Variants in RANBP2 observed in about 807,000 individuals in gnomAD.
RANBP2 encodes the protein RAN binding protein 2, also known as E3 SUMO-protein ligase RanBP2.
A neutral mutation model predicts 303.6 loss-of-function variants in RANBP2; 57 were observed. The observed-to-expected ratio is 0.19, with a 90% CI of 0.15 to 0.23. The LOEUF (loss-of-function observed/expected upper bound fraction) is 0.23, where lower values mean the gene tolerates loss of function less well. Among genes scored for constraint, RANBP2 ranks in the 10% least tolerant of loss-of-function variants. The pLI is 1.00. For missense variants in RANBP2, 3,138 were observed against 3,780.8 expected, an observed-to-expected ratio of 0.83 and a Z score of 4.46; for synonymous variants, 1,167 against 1,301.5, an observed-to-expected ratio of 0.90 and a Z score of 2.23.
At chr2:109,733,588 C>T in the RANBP2 span, among the ~76,000 whole-genome samples, 15 of 152,066 alleles carry the variant, frequency 9.9e-5, no homozygotes, top group Admixed American at 9.2e-4. Flanking sequence ...CGTGGTGGCT[C>T]GCACCTGTAA....
At chr2:109,451,082 G>C in the RANBP2 span, among the ~76,000 whole-genome samples, 1 of 152,226 alleles carries the variant, frequency 6.6e-6, no homozygotes, top group Non-Finnish European at 1.5e-5. Flanking sequence ...GGTTCCGCAG[G>C]GCCTCAGCAC....
At position 108,782,584 on chromosome 2, in the gene RANBP2, G is replaced by T. The variant is rs1209201727; in HGVS notation, c.9091G>T (p.Asp3031Tyr). The T allele has an allele frequency of 3.7e-6, 6 of 1,614,196 alleles. No individual in the cohort carries two copies. Among genetic ancestry groups the T allele is most frequent in the Non-Finnish European group, 4.2e-6 (5 of 1,180,036 alleles). ...AVRFKTKEVA[D>Y]CFKKTFEECQ... ...GAGATTTAAAACTAAAGAAGTAGCT[G>T]ATTGTTTCAAGAAAACATTTGAAGA... The change falls in exon 28 of 29, where the codon GAT becomes TAT. Residue 3031 changes from aspartate to tyrosine, a missense_variant. Asp to Tyr is a radical substitution (Grantham distance 160, BLOSUM62 -3). This residue lies in a region of RANBP2 where 204 missense variants were observed against 228.4 expected (regional missense o/e 0.89). Coordinates refer to ENST00000283195, the MANE Select transcript of RANBP2 (RefSeq NM_006267.5).
the RANBP2 span, among the ~76,000 whole-genome samples, chr2:109,435,945 C>A: frequency 6.6e-6 from 1 of 152,132 alleles, no homozygotes; most frequent in Non-Finnish European, 1.5e-5. Flanking sequence ...CAGGTGAGTC[C>A]TTTTCCAAGA....
At chr2:108,928,066 C>T in the RANBP2 span, among the ~76,000 whole-genome samples, 7 of 152,094 alleles carry the variant, frequency 4.6e-5, no homozygotes, top group Admixed American at 1.3e-4. Flanking sequence ...GCATCAGCTT[C>T]GAGCGGAAGG....
the RANBP2 span, among the ~76,000 whole-genome samples, chr2:109,012,513 T>G: frequency 1.3e-5 from 2 of 152,202 alleles, no homozygotes. Context: ...CTCTTGCTTC[T>G]TCAGTGGCCC....
At chr2:109,484,452 C>T in the RANBP2 span, among the ~76,000 whole-genome samples, 5 of 152,264 alleles carry the variant, frequency 3.3e-5, no homozygotes, top group South Asian at 1.0e-3. Flanking sequence ...GCTAGATTTA[C>T]CTGTTCCACA....
At chr2:108,986,990 G>C in the RANBP2 span, among the ~76,000 whole-genome samples, 1 of 152,162 alleles carries the variant, frequency 6.6e-6, no homozygotes, top group African/African-American at 2.4e-5. Flanking sequence ...TCAAAGGAAC[G>C]AGCAGGCAGG....
At chr2:108,829,973 A>C in the RANBP2 span, among the ~76,000 whole-genome samples, 1 of 151,578 alleles carries the variant, frequency 6.6e-6, no homozygotes, top group Admixed American at 6.6e-5. Flanking sequence ...TTAAACACCA[A>C]GTTTATAGCA....
chr2:109,336,869 A>G, the RANBP2 span, among the ~76,000 whole-genome samples: 1 of 152,138 alleles, frequency 6.6e-6, no homozygotes, highest in African/African-American at 2.4e-5. Flanking sequence ...CACCTGGTGC[A>G]GTGAAGAATT....
At chr2:108,795,057 A>AT in the RANBP2 span, among the ~76,000 whole-genome samples, 97,047 of 151,396 alleles carry the variant, frequency 0.64, 34,233 homozygotes, top group East Asian at 0.9. Context: ...TTAAGTACTT[A>AT]TATATAAAAA....
At chr2:109,696,597 G>T in the RANBP2 span, among the ~76,000 whole-genome samples, 1 of 152,012 alleles carries the variant, frequency 6.6e-6, no homozygotes, top group South Asian at 2.1e-4. Flanking sequence ...TCCAACCATT[G>T]TTCTTTTTCA....
chr2:108,886,445 C>G, the RANBP2 span, among the ~76,000 whole-genome samples: 2 of 152,044 alleles, frequency 1.3e-5, no homozygotes, highest in Non-Finnish European at 2.9e-5. Flanking sequence ...GACGGAGTCT[C>G]TCTCTGTCAC....
At chr2:109,322,172 C>G in the RANBP2 span, among the ~76,000 whole-genome samples, 1 of 152,124 alleles carries the variant, frequency 6.6e-6, no homozygotes, top group Non-Finnish European at 1.5e-5. Flanking sequence ...CACGGATACA[C>G]AGGAGACTCA....
the RANBP2 span, among the ~76,000 whole-genome samples, chr2:108,923,058 T>G: frequency 6.6e-6 from 1 of 152,188 alleles, no homozygotes; most frequent in Non-Finnish European, 1.5e-5. Flanking sequence ...CCGTGAGAGA[T>G]GGGAAGGTCA....
the RANBP2 span, among the ~76,000 whole-genome samples, chr2:109,083,314 C>T: frequency 6.6e-6 from 1 of 152,118 alleles, no homozygotes; most frequent in Admixed American, 6.5e-5. Context: ...CACCACAGCC[C>T]CTGGCACCCA....
At chr2:109,255,975 C>T in the RANBP2 span, among the ~76,000 whole-genome samples, 1 of 152,194 alleles carries the variant, frequency 6.6e-6, no homozygotes, top group Non-Finnish European at 1.5e-5. Flanking sequence ...ATGCACCTGT[C>T]CCCTGAGGAA....
At chr2:109,037,388 A>G in the RANBP2 span, among the ~76,000 whole-genome samples, 1,049 of 152,034 alleles carry the variant, frequency 6.9e-3, 15 homozygotes, top group African/African-American at 0.024. Context: ...CTTTCTCCCT[A>G]AGATTGGGAA....
chr2:109,215,583 G>T, the RANBP2 span, among the ~76,000 whole-genome samples: 1 of 152,228 alleles, frequency 6.6e-6, no homozygotes, highest in East Asian at 1.9e-4. Flanking sequence ...TTTTTTGCCT[G>T]TGATGAGTGC....
the RANBP2 span, among the ~76,000 whole-genome samples, chr2:109,157,913 G>C: frequency 2.6e-5 from 4 of 152,136 alleles, no homozygotes; most frequent in African/African-American, 9.7e-5. Context: ...GCAGCTGCTC[G>C]TGTTTGATTT....
Sources: allele counts gnomAD v4.1 joint callset (sites outside exome capture counted in the v4.1 genomes callset), GRCh38; gene constraint gnomAD v4.1.1; regional missense constraint gnomAD v4.1.1; transcripts MANE v1.5; gene names NCBI Gene and HGNC (gene_info 2026-07-23, HGNC 2026-07-21).